The following SPOP variants were observed in gnomAD, a reference collection of about 807,000 sequenced individuals.
The protein encoded by SPOP is speckle type BTB/POZ protein.
In SPOP, 11 loss-of-function variants were observed where a neutral mutation model predicts 45.6. The observed-to-expected ratio is 0.24, with a 90% confidence interval of 0.15 to 0.40. The LOEUF (loss-of-function observed/expected upper bound fraction) is 0.40. Ranked by LOEUF, SPOP falls within the 10% of genes least tolerant of loss-of-function variation. The pLI is 1.00. For synonymous variants in SPOP, 166 were observed against 166.3 expected (o/e 1.00, Z 0.01); for missense variants, 152 against 465.6 (o/e 0.33, Z 6.20).
At chr17:49,674,517 A>T (rs1484917498) in intron 1 of SPOP, among the ~76,000 whole-genome samples, 1 of 152,218 alleles carries the variant, frequency 6.6e-6, no homozygotes, top group Non-Finnish European at 1.5e-5. Context: ...GCACAGACAT[A>T]TTTAATTATT....
At chr17:49,643,628 G>A (rs1238979946) in intron 1 of SPOP, among the ~76,000 whole-genome samples, 1 of 152,100 alleles carries the variant, frequency 6.6e-6, no homozygotes, top group African/African-American at 2.4e-5. Flanking sequence ...CACACAGTAG[G>A]GAGAAAATAT....
chr17:49,632,327 G>T (rs1417717032), intron 1 of SPOP, among the ~76,000 whole-genome samples: 1 of 152,030 alleles, frequency 6.6e-6, no homozygotes, highest in East Asian at 1.9e-4. Context: ...CCAAGAAAAC[G>T]GAAGAAAAGG....
At chr17:49,611,079 GAGAGGAAAAAC>G (rs1173408638) in intron 6 of SPOP, among the ~76,000 whole-genome samples, 190 bp downstream of exon 6, 2 of 152,146 alleles carry the variant, frequency 1.3e-5, no homozygotes, top group Non-Finnish European at 2.9e-5. Context: ...GTCCACTACA[GAGAGGAAAAAC>G]AGAAATGTCA....
At chr17:49,626,525 T>C (rs976797892) in intron 1 of SPOP, among the ~76,000 whole-genome samples, 3 of 151,960 alleles carry the variant, frequency 2.0e-5, no homozygotes, top group Non-Finnish European at 4.4e-5. Flanking sequence ...CGAAACCCCA[T>C]CTCTACTAAA....
rs1433306818 is a variant in SPOP, at chr17:49,677,920, TCC to T, written c.-67+11_-67+12del. 2.1e-5 allele frequency: 1 copy of T among 47,480 alleles called. No individual in the cohort carries two copies. The highest frequency in any genetic ancestry group is 1.1e-4 in the African/African-American group (1 of 9,068). The allele number at this position is 47,480 out of a possible 1,614,324, so 2.9% of individuals were successfully genotyped here. ...GGACAACCCCCTCCCTCGACTCTCC[TCC>T]CCCCACTCACCTGAGAGCGGCGGCG... On this transcript the variant is annotated intron_variant, in intron 1 of 9. Transcript: ENST00000504102.
chr17:49,607,472 G>A (rs1206821104), intron 7 of SPOP, 100 bp from the exon 8 acceptor site: 1 of 1,428,966 alleles, frequency 7.0e-7, no homozygotes, highest in Non-Finnish European at 9.3e-7. Flanking sequence ...AGAGAACTTT[G>A]TATCATTTAA....
At chr17:49,618,955 A>G in intron 5 of SPOP, 26 bp downstream of exon 5, 4 of 1,603,582 alleles carry the variant, frequency 2.5e-6, no homozygotes, top group Non-Finnish European at 3.4e-6. Context: ...GGGAACTGCT[A>G]GTCTCAGCAG....
chr17:49,611,886 CT>C (rs58317598), intron 5 of SPOP, among the ~76,000 whole-genome samples: 38 of 146,238 alleles, frequency 2.6e-4, no homozygotes, highest in Non-Finnish European at 2.0e-4. Context: ...AATCTGATCA[CT>C]TTTTTTTTTT....
intron 1 of SPOP, among the ~76,000 whole-genome samples, chr17:49,665,662 ACACACACACACAC>A (rs2073047548): frequency 1.0e-5 from 1 of 98,916 alleles, no homozygotes; most frequent in Admixed American, 9.8e-5. Flanking sequence ...ACACACACAC[ACACACACACACAC>A]ACACACACAC....
At chr17:49,603,150 C>T (rs528725605) in intron 8 of SPOP, among the ~76,000 whole-genome samples, 2 of 152,320 alleles carry the variant, frequency 1.3e-5, no homozygotes, top group Admixed American at 1.3e-4. Context: ...GGAGGCATAT[C>T]TGCTGGCACT....
intron 1 of SPOP, among the ~76,000 whole-genome samples, chr17:49,627,875 C>T (rs1242682237): frequency 6.6e-6 from 1 of 152,178 alleles, no homozygotes; most frequent in Non-Finnish European, 1.5e-5. Flanking sequence ...GAATCTGTCT[C>T]AGACTCTGAG....
intron 1 of SPOP, among the ~76,000 whole-genome samples, chr17:49,677,364 G>A (rs2073212842): frequency 6.6e-6 from 1 of 152,242 alleles, no homozygotes; most frequent in Non-Finnish European, 1.5e-5. Flanking sequence ...CGAGGCGTTT[G>A]TAGCCTGGGA....
intron 1 of SPOP, among the ~76,000 whole-genome samples, chr17:49,653,701 G>A (rs369479546): frequency 2.0e-5 from 3 of 151,726 alleles, no homozygotes; most frequent in East Asian, 3.8e-4. Context: ...GTCAGAGATA[G>A]TCACAGAAGA....
At chr17:49,622,138 T>C in intron 2 of SPOP, 71 bp from the exon 3 acceptor site, 1 of 1,564,566 alleles carries the variant, frequency 6.4e-7, no homozygotes. Flanking sequence ...GAAGGGCAGA[T>C]TATCATTTCC....
At chr17:49,663,213 G>T (rs761435830) in intron 1 of SPOP, among the ~76,000 whole-genome samples, 15 of 152,318 alleles carry the variant, frequency 9.8e-5, no homozygotes, top group Non-Finnish European at 2.1e-4. Flanking sequence ...GCCATGGCAT[G>T]AGATTCTCAA....
At chr17:49,664,677 T>C (rs944252803) in intron 1 of SPOP, among the ~76,000 whole-genome samples, 2 of 152,096 alleles carry the variant, frequency 1.3e-5, no homozygotes. Context: ...TGTACCAAAA[T>C]CTCCCACTTC....
intron 5 of SPOP, among the ~76,000 whole-genome samples, chr17:49,617,953 C>CAATA (rs1347352244): frequency 6.7e-6 from 1 of 150,280 alleles, no homozygotes; most frequent in Non-Finnish European, 1.5e-5. Flanking sequence ...AGAAAGAAAG[C>CAATA]AATACATAAG....
chr17:49,635,422 A>C (rs544653713), intron 1 of SPOP, among the ~76,000 whole-genome samples: 1 of 152,314 alleles, frequency 6.6e-6, no homozygotes, highest in East Asian at 1.9e-4. Context: ...CATGACTCTG[A>C]CAAAACATAC....
Position 49,607,310 on chromosome 17 carries a change from G to A in SPOP, c.777C>T (p.Tyr259=), listed in dbSNP as rs2071871730. The change falls in exon 8 of 10, where the codon TAC becomes TAT. Residue 259 remains tyrosine, a synonymous_variant. Transcript: ENST00000504102. ...TGTCGAGGTTTGGAGCCTTCCCCGT[G>A]TAAATGAAGCACATCATTTCCTTAA... ...EVFKEMMCFI[Y]TGKAPNLDKM... is the part of the protein sequence containing the mutation. The A allele has an allele frequency of 1.9e-6, 3 of 1,614,068 alleles. No homozygotes were observed. The highest frequency in any genetic ancestry group is 2.5e-6 in the Non-Finnish European group (3 of 1,179,996).
Sources: allele counts gnomAD v4.1 joint callset (sites outside exome capture counted in the v4.1 genomes callset), GRCh38; gene constraint gnomAD v4.1.1; transcripts MANE v1.5; gene names NCBI Gene and HGNC (gene_info 2026-07-23, HGNC 2026-07-21).